DNAJA3: variants seen among roughly 807,000 people sequenced by gnomAD.
DNAJA3 encodes dnaJ homolog subfamily A member 3, mitochondrial.
DNAJA3 carries 29 observed loss-of-function variants against 54.9 expected under a neutral mutation model. That is an observed-to-expected ratio of 0.53 (90% CI 0.39 to 0.72). The LOEUF is 0.72. Ranked by LOEUF, DNAJA3 falls within the 30% of genes least tolerant of loss-of-function variation. DNAJA3 has a pLI of 0.00. For synonymous variants in DNAJA3, 302 were observed against 251.4 expected (o/e 1.20, Z -1.90); for missense variants, 708 against 639.4 (o/e 1.11, Z -1.16).
intron 6 of DNAJA3, among the ~76,000 whole-genome samples, chr16:4,444,176 G>C (rs1053575394): frequency 6.6e-6 from 1 of 152,164 alleles, no homozygotes; most frequent in Non-Finnish European, 1.5e-5. Flanking sequence ...AGGTGTCTGT[G>C]TTGCATCTCT....
chr16:4,450,906 C>G (rs148641685), intron 10 of DNAJA3, among the ~76,000 whole-genome samples: 23 of 152,278 alleles, frequency 1.5e-4, no homozygotes, highest in African/African-American at 5.3e-4. Flanking sequence ...TGGGACACTC[C>G]GCCAGGATTT....
At chr16:4,442,774 G>T in intron 5 of DNAJA3, 3 of 579,144 alleles carry the variant, frequency 5.2e-6, no homozygotes, top group Non-Finnish European at 9.1e-6. Context: ...TAGACAGGCG[G>T]TATCATATTT....
rs751768420 is a variant in DNAJA3, at chr16:4,454,764, G to A, written c.1340-47G>A. The A allele has an allele frequency of 5.5e-6, 8 of 1,444,270 alleles. No homozygotes were observed. The East Asian group carries it at 1.4e-4, about 25-fold the overall frequency. 89.5% of individuals were successfully genotyped at this position (1,444,270 alleles called of 1,614,324 possible). ...TAGGTGGGCCCTGGGATGTGACTGT[G>A]GAAGTGCAGGCCCATGACGCCAGTT... is the stretch of plus-strand genomic sequence containing the variant. On this transcript the variant is annotated intron_variant, in intron 10 of 11. Coordinates refer to ENST00000262375, the MANE Select transcript of DNAJA3 (RefSeq NM_005147.6).
intron 2 of DNAJA3, 59 bp from the exon 3 acceptor site, chr16:4,437,343 G>T (rs951813423): frequency 7.0e-7 from 1 of 1,429,182 alleles, no homozygotes; most frequent in East Asian, 2.3e-5. Context: ...GGGTTTTGTT[G>T]TTTCTGGTAT....
At position 4,455,870 on chromosome 16, in the gene DNAJA3, CTTAG is replaced by C. The variant is rs1447630233; in HGVS notation, c.*342_*345del. 1 of 516,842 alleles carries C rather than the reference CTTAG, an allele frequency of 1.9e-6. No homozygotes were observed. The highest frequency in any genetic ancestry group is 1.9e-5 in the African/African-American group (1 of 52,896). The allele number at this position is 516,842 out of a possible 1,614,324, so 32.0% of individuals were successfully genotyped here. A position where few individuals can be genotyped will look rare whatever the true frequency, so the allele number is the denominator to read the frequency against. On this transcript the variant is annotated 3_prime_UTR_variant, in exon 12 of 12. Transcript: ENST00000262375. ...ATTTGGAATTGAATATTGTGGATAT[CTTAG>C]TTAAAGGCCATGCTTACAGCTTAGA...
Position 4,444,692 on chromosome 16 carries a change from G to A in DNAJA3, c.960G>A (p.Met320Ile). 1 of 1,614,140 alleles carries A rather than the reference G, an allele frequency of 6.2e-7. No homozygotes were observed. The highest frequency in any genetic ancestry group is 8.5e-7 in the Non-Finnish European group (1 of 1,180,006). The change falls in exon 7 of 12, where the codon ATG (methionine) becomes ATA (isoleucine). Residue 320 changes from methionine (M) to isoleucine (I), a missense_variant. By Grantham distance (10) the Met-to-Ile change is conservative (BLOSUM62 1). Transcript: ENST00000262375. Reference sequence around the variant, plus strand: ...TCGAGGATGGCCAGACCGTGAGGATGCCTGTGGGAAAAAGGGAAATTTTCA... The same window carrying A: ...TCGAGGATGGCCAGACCGTGAGGATACCTGTGGGAAAAAGGGAAATTTTCA... ...AGVEDGQTVR[M>I]PVGKREIFIT...
rs2056642955 is a variant in DNAJA3 at position 4,427,740 on chromosome 16, C to G, written c.211+1648C>G. Among the ~76,000 whole-genome samples the G allele has an allele frequency of 1.3e-5, 2 of 152,328 alleles. 1 individual carries two copies. The highest frequency in any genetic ancestry group is 4.1e-4 in the South Asian group (2 of 4,826). On this transcript the variant is annotated intron_variant, in intron 1 of 11. Coordinates refer to ENST00000262375, the MANE Select transcript of DNAJA3 (RefSeq NM_005147.6). Reference sequence around the variant, plus strand: ...GACTGGTGCAGAGGCACAATTACAACTCAGTGCAACCTTGACCTCCCAGGT... The same window carrying G: ...GACTGGTGCAGAGGCACAATTACAAGTCAGTGCAACCTTGACCTCCCAGGT...
chr16:4,445,102 A>G (rs779323356), intron 7 of DNAJA3, among the ~76,000 whole-genome samples: 6 of 152,224 alleles, frequency 3.9e-5, no homozygotes, highest in Non-Finnish European at 5.9e-5. Context: ...ATTAATGAAG[A>G]CAATGCCTTC....
intron 10 of DNAJA3, 59 bp from the exon 11 acceptor site, chr16:4,454,752 G>C: frequency 7.3e-7 from 1 of 1,361,724 alleles, no homozygotes; most frequent in Non-Finnish European, 1.0e-6. Flanking sequence ...GTGGGCCCTG[G>C]GATGTGACTG....
At chr16:4,445,555 T>A (rs915064335) in intron 7 of DNAJA3, among the ~76,000 whole-genome samples, 2 of 152,196 alleles carry the variant, frequency 1.3e-5, no homozygotes, top group Non-Finnish European at 2.9e-5. Flanking sequence ...TTATTTTATT[T>A]TACTTTATTT....
chr16:4,436,270 C>G (rs562178326), intron 2 of DNAJA3, among the ~76,000 whole-genome samples: 5 of 152,080 alleles, frequency 3.3e-5, no homozygotes, highest in Non-Finnish European at 7.3e-5. Context: ...TTCCTGAGCT[C>G]AAGAGTCAGG....
intron 10 of DNAJA3, among the ~76,000 whole-genome samples, chr16:4,453,695 G>A (rs2057003106): frequency 6.6e-6 from 1 of 152,194 alleles, no homozygotes; most frequent in African/African-American, 2.4e-5. Flanking sequence ...GCCTCCCAAA[G>A]TGCGGGGATT....
At chr16:4,453,300 A>G (rs2056997891) in intron 10 of DNAJA3, among the ~76,000 whole-genome samples, 1 of 152,180 alleles carries the variant, frequency 6.6e-6, no homozygotes, top group Non-Finnish European at 1.5e-5. Context: ...CAGAAAGACC[A>G]TGGTGTGCTT....
At chr16:4,441,148 T>C in intron 3 of DNAJA3, 1 of 546,308 alleles carries the variant, frequency 1.8e-6, no homozygotes. Context: ...GGCGGGAGAG[T>C]TCGTGAGACT....
chr16:4,453,230 T>G (rs2056997076), intron 10 of DNAJA3, among the ~76,000 whole-genome samples: 1 of 152,012 alleles, frequency 6.6e-6, no homozygotes, highest in Non-Finnish European at 1.5e-5. Context: ...AGCATAGTTT[T>G]TGATGCGTTT....
chr16:4,429,286 T>C (rs1171444063), intron 1 of DNAJA3, among the ~76,000 whole-genome samples: 2 of 151,730 alleles, frequency 1.3e-5, no homozygotes, highest in Non-Finnish European at 2.9e-5. Context: ...TGACTCACCG[T>C]GATCTCGGCT....
intron 2 of DNAJA3, among the ~76,000 whole-genome samples, chr16:4,436,949 A>G (rs1451181437): frequency 2.0e-5 from 3 of 152,124 alleles, no homozygotes; most frequent in African/African-American, 7.2e-5. Context: ...TAAGAGATGG[A>G]TACATTAAAA....
At chr16:4,442,777 T>C in intron 5 of DNAJA3, 1 of 578,900 alleles carries the variant, frequency 1.7e-6, no homozygotes, top group Non-Finnish European at 3.0e-6. Context: ...ACAGGCGGTA[T>C]CATATTTTTC....
At chr16:4,453,172 G>T (rs2056996303) in intron 10 of DNAJA3, among the ~76,000 whole-genome samples, 1 of 152,054 alleles carries the variant, frequency 6.6e-6, no homozygotes, top group African/African-American at 2.4e-5. Flanking sequence ...CTCCCACCTT[G>T]GCCTCCCAGA....
Sources: allele counts gnomAD v4.1 joint callset (sites outside exome capture counted in the v4.1 genomes callset), GRCh38; gene constraint gnomAD v4.1.1; transcripts MANE v1.5; gene names NCBI Gene and HGNC (gene_info 2026-07-23, HGNC 2026-07-21).